The following SORCS1 variants were observed in gnomAD, a reference collection of about 807,000 sequenced individuals.
The protein encoded by SORCS1 is VPS10 domain-containing receptor SorCS1.
SORCS1 carries 60 observed loss-of-function variants against 146.1 expected under a neutral mutation model. That is an observed-to-expected ratio of 0.41 (90% CI 0.33 to 0.51). The LOEUF is 0.51. Among genes scored for constraint, SORCS1 ranks in the 20% least tolerant of loss-of-function variants. SORCS1 has a pLI of 0.21. For missense variants in SORCS1, 1,352 were observed against 1,487.6 expected, an observed-to-expected ratio of 0.91 and a Z score of 1.50; for synonymous variants, 637 against 584.0, an observed-to-expected ratio of 1.09 and a Z score of -1.31.
chr10:107,046,431 G>C (rs1349102277), intron 1 of SORCS1, among the ~76,000 whole-genome samples: 2 of 151,790 alleles, frequency 1.3e-5, no homozygotes, highest in Non-Finnish European at 2.9e-5. Flanking sequence ...ATAAATACAT[G>C]TAATATATAT....
chr10:107,089,143 ATTTAAGTATATGACAAACC>A (rs1963981323), intron 1 of SORCS1, among the ~76,000 whole-genome samples: 1 of 152,194 alleles, frequency 6.6e-6, no homozygotes, highest in Non-Finnish European at 1.5e-5. Context: ...TTTATTTTTC[ATTTAAGTATATGACAAACC>A]TTTTATTTTT....
intron 13 of SORCS1, among the ~76,000 whole-genome samples, chr10:106,677,054 T>C (rs761388624): frequency 2.0e-5 from 3 of 152,154 alleles, no homozygotes; most frequent in Admixed American, 1.3e-4. Context: ...CTACTTTTAG[T>C]CATCAGAGAG....
chr10:107,066,246 C>T (rs185647166), intron 1 of SORCS1, among the ~76,000 whole-genome samples: 188 of 152,190 alleles, frequency 1.2e-3, no homozygotes, highest in African/African-American at 4.5e-3. Context: ...CTTTCTATTG[C>T]CATTTATTCA....
chr10:106,972,131 C>T (rs562908932), intron 1 of SORCS1, among the ~76,000 whole-genome samples: 2 of 152,222 alleles, frequency 1.3e-5, no homozygotes, highest in African/African-American at 4.8e-5. Flanking sequence ...CCTGTAATCC[C>T]AGCACTTTGA....
intron 1 of SORCS1, among the ~76,000 whole-genome samples, chr10:107,082,493 T>C (rs1963407148): frequency 6.6e-6 from 1 of 152,156 alleles, no homozygotes; most frequent in Non-Finnish European, 1.5e-5. Context: ...TTTTGTTTTT[T>C]TAGAGACAGA....
intron 1 of SORCS1, among the ~76,000 whole-genome samples, chr10:107,078,343 A>T (rs571090903): frequency 6.6e-5 from 10 of 152,242 alleles, no homozygotes; most frequent in African/African-American, 2.4e-4. Flanking sequence ...AATTTAGCCT[A>T]GTTCTAGCTC....
At chr10:106,722,026 C>T (rs1368407936) in intron 6 of SORCS1, among the ~76,000 whole-genome samples, 1 of 151,606 alleles carries the variant, frequency 6.6e-6, no homozygotes, top group Non-Finnish European at 1.5e-5. Flanking sequence ...AATTTTTCAA[C>T]AAGAACATGC....
chr10:106,716,592 G>T (rs1257608087), intron 6 of SORCS1, among the ~76,000 whole-genome samples: 1 of 152,188 alleles, frequency 6.6e-6, no homozygotes, highest in Non-Finnish European at 1.5e-5. Context: ...ACTCCTGGCT[G>T]ATTCCCTATG....
chr10:106,728,817 A>C (rs759711153), intron 6 of SORCS1, among the ~76,000 whole-genome samples: 40 of 152,260 alleles, frequency 2.6e-4, no homozygotes, highest in Middle Eastern at 3.4e-3. Context: ...CTTGGAAATG[A>C]GATGGTCACT....
At chr10:107,079,303 T>A (rs1322688358) in intron 1 of SORCS1, among the ~76,000 whole-genome samples, 1 of 152,136 alleles carries the variant, frequency 6.6e-6, no homozygotes, top group African/African-American at 2.4e-5. Context: ...AATATAGGAT[T>A]TTTACCATTC....
intron 1 of SORCS1, among the ~76,000 whole-genome samples, chr10:107,138,063 T>C (rs1207854333): frequency 1.3e-5 from 2 of 152,186 alleles, no homozygotes; most frequent in Non-Finnish European, 2.9e-5. Flanking sequence ...ATTATCACAA[T>C]AATCACAGCC....
intron 2 of SORCS1, among the ~76,000 whole-genome samples, chr10:106,943,222 C>T (rs1640955894): frequency 6.6e-6 from 1 of 152,176 alleles, no homozygotes; most frequent in Non-Finnish European, 1.5e-5. Context: ...ATGTTCTTCT[C>T]ACTTGTTCCT....
chr10:107,140,674 G>A (rs1337867275), intron 1 of SORCS1, among the ~76,000 whole-genome samples: 1 of 152,114 alleles, frequency 6.6e-6, no homozygotes, highest in Non-Finnish European at 1.5e-5. Context: ...CCTATACATA[G>A]TCCCATAAGA....
At chr10:106,646,551 C>T (rs988437477) in intron 18 of SORCS1, among the ~76,000 whole-genome samples, 1 of 151,964 alleles carries the variant, frequency 6.6e-6, no homozygotes, top group African/African-American at 2.4e-5. Flanking sequence ...CAAAAATTAG[C>T]TGGGTGTGGT....
chr10:106,836,071 T>G (rs1170297629), intron 2 of SORCS1, among the ~76,000 whole-genome samples: 1 of 152,060 alleles, frequency 6.6e-6, no homozygotes, highest in South Asian at 2.1e-4. Flanking sequence ...CATACAATGT[T>G]ATCTGAGCTC....
intron 5 of SORCS1, among the ~76,000 whole-genome samples, chr10:106,755,365 C>A (rs1201685028): frequency 6.6e-6 from 1 of 152,170 alleles, no homozygotes; most frequent in African/African-American, 2.4e-5. Context: ...AACATCACTT[C>A]ACTTTTCTGT....
At position 106,671,166 on chromosome 10, in the gene SORCS1, C is replaced by G; in HGVS notation, c.2189+71G>C. 3.8e-6 allele frequency: 6 copies of G among 1,594,498 alleles called. No homozygotes were observed. In the South Asian group the frequency reaches 6.8e-5, roughly 18 times the overall value. On this transcript the variant is annotated intron_variant, in intron 16 of 25. Coordinates refer to ENST00000263054, the MANE Select transcript of SORCS1 (RefSeq NM_052918.5). ...TATGTATGTTACTATTATTTCAATT[C>G]TAAGCTTTCATTCAGGCCCATGTGG...
chr10:107,073,427 G>GCCTTCTAATTGAGGGGATTCTA (rs1226426245), intron 1 of SORCS1, among the ~76,000 whole-genome samples: 7 of 152,106 alleles, frequency 4.6e-5, no homozygotes, highest in African/African-American at 1.7e-4. Context: ...CAAGGATTCT[G>GCCTTCTAATTGAGGGGATTCTA]CCCTCTAATT....
At chr10:106,806,505 C>CTTTTTTT (rs1191296212) in intron 3 of SORCS1, among the ~76,000 whole-genome samples, 2 of 70,468 alleles carry the variant, frequency 2.8e-5, no homozygotes, top group Non-Finnish European at 5.5e-5. Context: ...GAGAGGAAGC[C>CTTTTTTT]TTTTTTTTTT....
Sources: allele counts gnomAD v4.1 joint callset (sites outside exome capture counted in the v4.1 genomes callset), GRCh38; gene constraint gnomAD v4.1.1; transcripts MANE v1.5; gene names NCBI Gene and HGNC (gene_info 2026-07-23, HGNC 2026-07-21).